The following CHIC2 variants were observed in gnomAD, a reference collection of about 807,000 sequenced individuals.
The protein encoded by CHIC2 is cysteine-rich hydrophobic domain-containing protein 2.
Under a neutral mutation model 25.9 loss-of-function variants are expected in CHIC2, and 14 were observed. The ratio of observed to expected loss-of-function variants is 0.54; its 90% CI spans 0.36 to 0.85. The LOEUF (loss-of-function observed/expected upper bound fraction) is 0.85, where lower values mean the gene tolerates loss of function less well. CHIC2 is among the 40% of genes least tolerant of loss of function. CHIC2 has a pLI of 0.01. For synonymous variants in CHIC2, 70 were observed against 72.0 expected (o/e 0.97, Z 0.14); for missense variants, 146 against 202.0 (o/e 0.72, Z 1.68).
At chr4:54,070,054 AT>A in the CHIC2 span, among the ~76,000 whole-genome samples, 1 of 152,246 alleles carries the variant, frequency 6.6e-6, no homozygotes, top group Non-Finnish European at 1.5e-5. Context: ...AGAAATCAGG[AT>A]TTATTCTCTG....
At chr4:54,087,976 G>A in the CHIC2 span, among the ~76,000 whole-genome samples, 6 of 152,138 alleles carry the variant, frequency 3.9e-5, no homozygotes, top group African/African-American at 1.4e-4. Context: ...TTTCAAAGTT[G>A]CTACCAGGGT....
the CHIC2 span, among the ~76,000 whole-genome samples, chr4:54,088,362 G>A: frequency 6.6e-6 from 1 of 151,870 alleles, no homozygotes. Flanking sequence ...GCATTATTGT[G>A]TAAGCCACAG....
intron 3 of CHIC2, among the ~76,000 whole-genome samples, chr4:54,037,299 G>A (rs1032934392): frequency 6.6e-6 from 1 of 152,040 alleles, no homozygotes; most frequent in African/African-American, 2.4e-5. Flanking sequence ...GCTGTAGTGA[G>A]CCATGATCAT....
In CHIC2 at chr4:54,064,331, G is replaced by A. The variant is rs760432018; in HGVS notation, c.-31C>T. The A allele has an allele frequency of 1.5e-5, 24 of 1,612,174 alleles. 1 individual carries two copies. The South Asian group carries it at 2.5e-4, about 17-fold the overall frequency. On this transcript the variant is annotated 5_prime_UTR_variant, in exon 1 of 6. Coordinates refer to ENST00000263921, the MANE Select transcript of CHIC2 (RefSeq NM_012110.4). The surrounding 1 kb of genome is among the most constrained non-coding windows in gnomAD (Gnocchi z 4.2). The stretch of plus-strand genomic sequence containing the variant: ...GCCTCCGAGCTCCCCTGCCCAAAGG[G>A]CCTGACTCCCGGGGTTGGCGCCGGG...
chr4:54,046,836 A>G (rs1328765366), intron 3 of CHIC2, among the ~76,000 whole-genome samples: 1 of 152,248 alleles, frequency 6.6e-6, no homozygotes, highest in Non-Finnish European at 1.5e-5. Flanking sequence ...GCACAGCAAA[A>G]GAAACTACCA....
At chr4:54,040,425 A>C (rs1716528299) in intron 3 of CHIC2, among the ~76,000 whole-genome samples, 1 of 151,484 alleles carries the variant, frequency 6.6e-6, no homozygotes, top group South Asian at 2.1e-4. Flanking sequence ...AAATTAGCCG[A>C]GCACGGTGGC....
At chr4:54,078,575 A>C in the CHIC2 span, among the ~76,000 whole-genome samples, 1 of 152,046 alleles carries the variant, frequency 6.6e-6, no homozygotes, top group South Asian at 2.1e-4. Flanking sequence ...GAGTGCAGTG[A>C]CACGATCTTG....
intron 1 of CHIC2, among the ~76,000 whole-genome samples, chr4:54,059,341 T>C (rs1560398886): frequency 1.3e-5 from 2 of 152,028 alleles, no homozygotes; most frequent in South Asian, 4.1e-4. Context: ...AGCCTGGCAA[T>C]ACAGTGAAGC....
chr4:54,025,668 G>A (rs539345521), intron 3 of CHIC2, among the ~76,000 whole-genome samples: 110 of 152,040 alleles, frequency 7.2e-4, no homozygotes, highest in Non-Finnish European at 1.2e-3. Context: ...AGACCAGCCT[G>A]AGCAACATGG....
At chr4:54,068,254 C>T (rs1232174943), upstream of CHIC2, among the ~76,000 whole-genome samples, 5 of 152,174 alleles carry the variant, frequency 3.3e-5, no homozygotes, top group Admixed American at 3.3e-4. Flanking sequence ...GATATCCTAG[C>T]CCTCAAGGTG....
In CHIC2 at chr4:54,009,874, A is replaced by G. The variant is rs1189551333; in HGVS notation, c.*221T>C. On this transcript the variant is annotated 3_prime_UTR_variant, in exon 6 of 6. Transcript: ENST00000263921. ...AGAATACATAACAGAAAAGAGCACAATAACTTAAGTATTAAACATCTGTAT... is the reference window on the plus strand; with the variant it reads ...AGAATACATAACAGAAAAGAGCACAGTAACTTAAGTATTAAACATCTGTAT... 3 of 389,192 alleles carry G rather than the reference A, an allele frequency of 7.7e-6. No individual in the cohort carries two copies. Among genetic ancestry groups the G allele is most frequent in the Non-Finnish European group, 9.5e-6 (2 of 210,264 alleles). The allele number at this position is 389,192 out of a possible 1,614,324, so 24.1% of individuals were successfully genotyped here.
chr4:54,012,999 A>G (rs943168579), intron 5 of CHIC2, among the ~76,000 whole-genome samples: 1 of 152,116 alleles, frequency 6.6e-6, no homozygotes, highest in East Asian at 1.9e-4. Flanking sequence ...TTTAAAGAAT[A>G]GACAAAATTC....
chr4:54,022,810 G>A (rs956546549), intron 3 of CHIC2, among the ~76,000 whole-genome samples: 6 of 152,008 alleles, frequency 3.9e-5, no homozygotes, highest in Non-Finnish European at 8.8e-5. Context: ...CCCACAGCAC[G>A]ATTTAAAAGG....
intron 1 of CHIC2, among the ~76,000 whole-genome samples, chr4:54,061,780 A>G (rs566038337): frequency 6.6e-6 from 1 of 152,280 alleles, no homozygotes; most frequent in African/African-American, 2.4e-5. Context: ...TGTCGCCACA[A>G]AACAGGTTAA....
intron 3 of CHIC2, among the ~76,000 whole-genome samples, chr4:54,040,175 G>C (rs1167644937): frequency 4.6e-5 from 7 of 152,092 alleles, no homozygotes; most frequent in African/African-American, 1.2e-4. Flanking sequence ...TCACAGAACT[G>C]TTTATAAAAA....
intron 3 of CHIC2, among the ~76,000 whole-genome samples, chr4:54,024,729 C>A (rs988006672): frequency 2.0e-5 from 3 of 152,128 alleles, no homozygotes; most frequent in African/African-American, 7.2e-5. Context: ...TTATGCTGAA[C>A]CCCCTTAGGC....
chr4:54,058,071 T>G (rs933384072), intron 1 of CHIC2, among the ~76,000 whole-genome samples: 23 of 152,222 alleles, frequency 1.5e-4, no homozygotes, highest in Admixed American at 1.3e-3. Flanking sequence ...CGCTTTTGAT[T>G]AAATGATTCC....
At chr4:54,041,412 C>A (rs1716574885) in intron 3 of CHIC2, among the ~76,000 whole-genome samples, 1 of 152,002 alleles carries the variant, frequency 6.6e-6, no homozygotes, top group African/African-American at 2.4e-5. Context: ...TTCTGGGAAT[C>A]TGTGAAAGTG....
chr4:54,012,184 G>A lies in CHIC2; in HGVS notation c.447+1653C>T, dbSNP rs188040368. Among the ~76,000 whole-genome samples the A allele has an allele frequency of 3.3e-5, 5 of 151,804 alleles. No homozygotes were observed. The East Asian group carries it at 9.7e-4, about 29-fold the overall frequency. ...CCAAACTGTCTTTGTACTCCTAGAC[G>A]CAAGTGATCCTGCTGCCTCAGCCTC... On this transcript the variant is annotated intron_variant, in intron 5 of 5. Coordinates refer to ENST00000263921, the MANE Select transcript of CHIC2 (RefSeq NM_012110.4).
Sources: allele counts gnomAD v4.1 joint callset (sites outside exome capture counted in the v4.1 genomes callset), GRCh38; gene constraint gnomAD v4.1.1; non-coding constraint Gnocchi (gnomAD v3.1); transcripts MANE v1.5; gene names NCBI Gene and HGNC (gene_info 2026-07-23, HGNC 2026-07-21).